IL1RAPL1: variants seen among roughly 807,000 people sequenced by gnomAD.
IL1RAPL1 encodes interleukin-1 receptor accessory protein-like 1.
IL1RAPL1 carries 3 observed loss-of-function variants against 48.4 expected under a neutral mutation model. The ratio of observed to expected loss-of-function variants is 0.06; its 90% CI spans 0.03 to 0.16. The LOEUF (loss-of-function observed/expected upper bound fraction) is 0.16. Among genes scored for constraint, IL1RAPL1 ranks in the 10% least tolerant of loss-of-function variants. The probability of loss-of-function intolerance (pLI) is 1.00; values close to 1 mark genes in which losing one functional copy is unlikely to be tolerated. For missense variants in IL1RAPL1, 349 were observed against 530.6 expected (o/e 0.66, Z 3.36); for synonymous variants, 185 against 187.7 (o/e 0.99, Z 0.12).
At chrX:29,438,674 G>A (rs1486932247) in intron 5 of IL1RAPL1, among the ~76,000 whole-genome samples, 1 of 111,039 alleles carries the variant, frequency 9.0e-6, no homozygotes, top group East Asian at 2.8e-4. Flanking sequence ...CCAAATGTTT[G>A]GAGATTTTCC....
At chrX:29,870,717 C>T (rs1304607591) in intron 6 of IL1RAPL1, among the ~76,000 whole-genome samples, 1 of 111,811 alleles carries the variant, frequency 8.9e-6, no homozygotes, top group Admixed American at 9.5e-5. Flanking sequence ...GGACTCATAT[C>T]TCAGACTCAA....
intron 2 of IL1RAPL1, among the ~76,000 whole-genome samples, chrX:29,178,476 T>G (rs962522712): frequency 3.6e-4 from 40 of 112,233 alleles, no homozygotes; most frequent in Non-Finnish European, 6.2e-4. Context: ...TTCAAGTTCT[T>G]TATAGATTCT....
At chrX:29,655,319 G>T (rs144903827) in intron 5 of IL1RAPL1, among the ~76,000 whole-genome samples, 12,300 of 111,333 alleles carry the variant, frequency 0.11, 638 homozygotes, top group Middle Eastern at 0.21. Flanking sequence ...TCATAATCAG[G>T]AAAAATATGG....
At chrX:29,543,656 A>G (rs1921516364) in intron 5 of IL1RAPL1, among the ~76,000 whole-genome samples, 1 of 111,125 alleles carries the variant, frequency 9.0e-6, no homozygotes, top group Admixed American at 9.6e-5. Context: ...TCTTATCTCT[A>G]AAATGATGAT....
intron 5 of IL1RAPL1, among the ~76,000 whole-genome samples, chrX:29,527,326 CTTTT>C (rs61003668): frequency 3.5e-4 from 9 of 25,564 alleles, no homozygotes; most frequent in East Asian, 1.8e-3. Context: ...GGGAAGGACT[CTTTT>C]TTTTTTTTTT....
chrX:29,873,878 A>T (rs142711751), intron 6 of IL1RAPL1, among the ~76,000 whole-genome samples: 150 of 111,905 alleles, frequency 1.3e-3, no homozygotes, highest in African/African-American at 4.5e-3. Context: ...GTAGAGATAA[A>T]TATTACGAGG....
chrX:28,820,013 T>TATATAC (rs1569180036), intron 2 of IL1RAPL1, among the ~76,000 whole-genome samples: 7 of 67,378 alleles, frequency 1.0e-4, no homozygotes, highest in East Asian at 9.0e-4. Context: ...TATATATATA[T>TATATAC]ACATGTACTG....
chrX:29,887,503 T>TTGG (rs1384770706), intron 6 of IL1RAPL1, among the ~76,000 whole-genome samples: 1 of 111,772 alleles, frequency 8.9e-6, no homozygotes, highest in African/African-American at 3.2e-5. Context: ...TATTGTTGCA[T>TTGG]TGGTGGTGGT....
intron 5 of IL1RAPL1, among the ~76,000 whole-genome samples, chrX:29,556,647 C>CA (rs11342018): frequency 0.011 from 569 of 53,949 alleles, 2 homozygotes; most frequent in Admixed American, 0.021. Flanking sequence ...GACTCTGCCT[C>CA]AAAAAAAAAA....
chrX:29,480,816 A>G (rs1935035097), intron 5 of IL1RAPL1, among the ~76,000 whole-genome samples: 1 of 111,293 alleles, frequency 9.0e-6, no homozygotes, highest in African/African-American at 3.3e-5. Flanking sequence ...AGTTAATGTT[A>G]TTAACATAAT....
At chrX:29,143,550 T>G (rs1929287507) in intron 2 of IL1RAPL1, among the ~76,000 whole-genome samples, 1 of 111,588 alleles carries the variant, frequency 9.0e-6, no homozygotes, top group Non-Finnish European at 1.9e-5. Flanking sequence ...GTCCAGGACA[T>G]GAATCATCCC....
chrX:28,728,806 A>G (rs1472930300), intron 1 of IL1RAPL1, among the ~76,000 whole-genome samples: 1 of 111,613 alleles, frequency 9.0e-6, no homozygotes, highest in East Asian at 2.8e-4. Context: ...CTGAGTTGCA[A>G]AGAAGTCAAG....
intron 2 of IL1RAPL1, among the ~76,000 whole-genome samples, chrX:28,990,309 A>G (rs1219900205): frequency 1.8e-5 from 2 of 111,873 alleles, no homozygotes; most frequent in African/African-American, 6.5e-5. Context: ...TTGAGAACAT[A>G]TCTAGAATAA....
intron 2 of IL1RAPL1, among the ~76,000 whole-genome samples, chrX:29,055,009 T>C: frequency 8.9e-6 from 1 of 111,908 alleles, no homozygotes; most frequent in African/African-American, 3.2e-5. Context: ...AGACCAGTGT[T>C]CAATAGTATG....
intron 1 of IL1RAPL1, among the ~76,000 whole-genome samples, chrX:28,680,842 T>C (rs749403201): frequency 4.5e-5 from 5 of 112,016 alleles, no homozygotes; most frequent in South Asian, 3.7e-4. Context: ...TAATATGTTA[T>C]TAAATTTAGT....
intron 5 of IL1RAPL1, among the ~76,000 whole-genome samples, chrX:29,549,539 G>A (rs760138171): frequency 1.7e-3 from 190 of 111,610 alleles, no homozygotes; most frequent in Non-Finnish European, 2.9e-3. Flanking sequence ...AGTATATATA[G>A]GCTTCAATAC....
At chrX:29,080,964 CTTTCTTTCTTTCTTTCTTTCTTTCTT>C (rs1400994398) in intron 2 of IL1RAPL1, among the ~76,000 whole-genome samples, 10 of 41,544 alleles carry the variant, frequency 2.4e-4, no homozygotes, top group African/African-American at 1.2e-3. Flanking sequence ...TTCTTTCTTT[CTTTCTTTCTTTCTTTCTTTCTTTCTT>C]TCTTTCTCTC....
At chrX:29,560,586 G>C (rs763220458) in intron 5 of IL1RAPL1, among the ~76,000 whole-genome samples, 27 of 111,380 alleles carry the variant, frequency 2.4e-4, no homozygotes, top group East Asian at 2.0e-3. Flanking sequence ...TTTCTCCTCT[G>C]ACTGTGTAAT....
chrX:29,517,366 T>C (rs1000835684), intron 5 of IL1RAPL1, among the ~76,000 whole-genome samples: 8 of 109,662 alleles, frequency 7.3e-5, no homozygotes, highest in African/African-American at 2.6e-4. Context: ...TGTAACAAAG[T>C]TTCTTTTAAG....
Sources: gnomAD v4.1 joint callset for allele counts (sites outside exome capture counted in the v4.1 genomes callset) on GRCh38, gnomAD v4.1.1 for gene constraint, MANE v1.5 for transcripts, NCBI Gene and HGNC (gene_info 2026-07-23, HGNC 2026-07-21) for gene names.